Variants in RPL34 observed in about 807,000 individuals in gnomAD.
RPL34 encodes ribosomal protein L34.
Under a neutral mutation model 16.3 loss-of-function variants are expected in RPL34, and 2 were observed. That is an observed-to-expected ratio of 0.12 (90% CI 0.05 to 0.39). The LOEUF (loss-of-function observed/expected upper bound fraction) is 0.39. RPL34 is among the 10% of genes least tolerant of loss of function. The probability of loss-of-function intolerance (pLI) is 0.99; values close to 1 mark genes in which losing one functional copy is unlikely to be tolerated. For missense variants in RPL34, 82 were observed against 148.8 expected (o/e 0.55, Z 2.33); for synonymous variants, 47 against 48.5 (o/e 0.97, Z 0.13).
At chr4:108,628,276 C>G (rs944747673), downstream of RPL34, among the ~76,000 whole-genome samples, 3 of 152,128 alleles carry the variant, frequency 2.0e-5, no homozygotes, top group African/African-American at 7.2e-5. Context: ...AATTGAAAAG[C>G]TTGAATTCTA....
chr4:108,627,055 C>T (rs1024960757), downstream of RPL34, among the ~76,000 whole-genome samples: 2 of 152,002 alleles, frequency 1.3e-5, no homozygotes, highest in South Asian at 2.1e-4. Flanking sequence ...CTGTCTAGCA[C>T]GGTGAAACCC....
chr4:108,623,994 A>G (rs1725890093), intron 4 of RPL34, among the ~76,000 whole-genome samples: 1 of 152,354 alleles, frequency 6.6e-6, no homozygotes, highest in Non-Finnish European at 1.5e-5. Context: ...GATCTGGCAC[A>G]TTGTGGGTGA....
chr4:108,629,371 A>G (rs1726109599), downstream of RPL34, among the ~76,000 whole-genome samples: 1 of 152,106 alleles, frequency 6.6e-6, no homozygotes, highest in South Asian at 2.1e-4. Context: ...GTTTTTCTCT[A>G]TTTTAAAACA....
At chr4:108,624,394 T>G (rs1725909632) in intron 4 of RPL34, among the ~76,000 whole-genome samples, 1 of 152,166 alleles carries the variant, frequency 6.6e-6, no homozygotes, top group Non-Finnish European at 1.5e-5. Context: ...GGGGGAAGGT[T>G]TAAGTTGAAG....
downstream of RPL34, among the ~76,000 whole-genome samples, chr4:108,627,683 G>A (rs1726061174): frequency 6.6e-6 from 1 of 152,034 alleles, no homozygotes; most frequent in Non-Finnish European, 1.5e-5. Context: ...CCAGTATGGT[G>A]AAACCCCGTC....
intron 4 of RPL34, among the ~76,000 whole-genome samples, chr4:108,623,518 T>C (rs1725870892): frequency 6.6e-6 from 1 of 152,200 alleles, no homozygotes; most frequent in Admixed American, 6.5e-5. Flanking sequence ...CAAGCAATTC[T>C]TCTGCCTCAG....
chr4:108,626,604 A>G (rs1726011389), downstream of RPL34, among the ~76,000 whole-genome samples: 2 of 151,836 alleles, frequency 1.3e-5, no homozygotes, highest in South Asian at 4.2e-4. Flanking sequence ...ACACCCGGCT[A>G]ATTTTTGTAT....
At chr4:108,622,082 C>G in intron 2 of RPL34, 23 bp from the exon 3 acceptor site, 1 of 1,595,822 alleles carries the variant, frequency 6.3e-7, no homozygotes, top group Non-Finnish European at 8.6e-7. Flanking sequence ...AAATGCTGAC[C>G]TACTGACTGT....
At chr4:108,622,066 T>C (rs1560612376) in intron 2 of RPL34, 39 bp from the exon 3 acceptor site, 2 of 1,594,558 alleles carry the variant, frequency 1.3e-6, no homozygotes, top group Non-Finnish European at 1.7e-6. Context: ...TGTCATTTAC[T>C]CTACAAAATG....
downstream of RPL34, among the ~76,000 whole-genome samples, chr4:108,625,709 C>T (rs947403773): frequency 1.3e-5 from 2 of 152,128 alleles, no homozygotes; most frequent in Non-Finnish European, 2.9e-5. Context: ...TCTGAAGAAA[C>T]AGTTGGTGGT....
chr4:108,621,396 G>T (rs991882939), intron 1 of RPL34: 2 of 156,304 alleles, frequency 1.3e-5, no homozygotes, highest in African/African-American at 4.8e-5. Context: ...TAGTATTAAA[G>T]GGTATGCCTT....
intron 4 of RPL34, 141 bp downstream of exon 4, chr4:108,622,759 G>A (rs1725838315): frequency 2.0e-6 from 1 of 508,836 alleles, no homozygotes; most frequent in East Asian, 3.2e-5. Flanking sequence ...GATAATTGAT[G>A]CTGCACAAAG....
chr4:108,623,949 CAGAA>C (rs895228374), intron 4 of RPL34, among the ~76,000 whole-genome samples: 4 of 152,102 alleles, frequency 2.6e-5, no homozygotes, highest in African/African-American at 4.8e-5. Context: ...GGACAAAAGG[CAGAA>C]AGGGCATTCC....
chr4:108,627,015 G>A (rs890812304), downstream of RPL34, among the ~76,000 whole-genome samples: 5 of 152,208 alleles, frequency 3.3e-5, no homozygotes, highest in South Asian at 2.1e-4. Context: ...CAAGGCGGGC[G>A]GATCATGAGG....
intron 4 of RPL34, among the ~76,000 whole-genome samples, chr4:108,623,750 T>C (rs569791849): frequency 6.6e-6 from 1 of 152,340 alleles, no homozygotes; most frequent in South Asian, 2.1e-4. Context: ...AAATGCAGGC[T>C]TCATTCTGCA....
rs188183953 is a variant in RPL34, at chr4:108,623,342, A to T, written c.269+724A>T. 5.7e-3 allele frequency: 867 copies of T among 152,198 alleles called. 9 individuals are homozygous for T. Among genetic ancestry groups the T allele is most frequent in the Non-Finnish European group, 9.4e-3 (639 of 68,032 alleles). The allele number at this position is 152,198 out of a possible 1,614,324, so 9.4% of individuals were successfully genotyped here. A position where few individuals can be genotyped will look rare whatever the true frequency, so the allele number is the denominator to read the frequency against. ...AGCGAAACTCTGTCTCAAAAAAAAA[A>T]GGGAAAGAAAGAAAAGCCAGATTAT... On this transcript the variant is annotated intron_variant, in intron 4 of 4. Transcript: ENST00000394667.
At chr4:108,629,748 A>G (rs1387836927), downstream of RPL34, among the ~76,000 whole-genome samples, 2 of 152,248 alleles carry the variant, frequency 1.3e-5, no homozygotes, top group Non-Finnish European at 2.9e-5. Context: ...TTAAAAATAT[A>G]AAATCTCCAA....
downstream of RPL34, among the ~76,000 whole-genome samples, chr4:108,626,968 C>T (rs573497508): frequency 4.1e-4 from 62 of 152,130 alleles, no homozygotes; most frequent in African/African-American, 1.3e-3. Flanking sequence ...GGCTGGACGC[C>T]GTGGTTCATG....
chr4:108,629,594 C>A (rs1467957223), downstream of RPL34, among the ~76,000 whole-genome samples: 1 of 152,138 alleles, frequency 6.6e-6, no homozygotes, highest in Non-Finnish European at 1.5e-5. Context: ...GAATCCAGTT[C>A]TATGTGTGTG....
Sources: allele counts gnomAD v4.1 joint callset (sites outside exome capture counted in the v4.1 genomes callset), GRCh38; gene constraint gnomAD v4.1.1; transcripts MANE v1.5; gene names NCBI Gene and HGNC (gene_info 2026-07-23, HGNC 2026-07-21).